Variants in GOLGB1 observed in about 807,000 individuals in gnomAD.
GOLGB1 encodes the protein golgin B1.
In GOLGB1, 174 loss-of-function variants were observed where a neutral mutation model predicts 336.9. That is an observed-to-expected ratio of 0.52 (90% CI 0.46 to 0.59). The LOEUF (loss-of-function observed/expected upper bound fraction) is 0.59, where lower values mean the gene tolerates loss of function less well. Ranked by LOEUF, GOLGB1 falls within the 20% of genes least tolerant of loss-of-function variation. The pLI is 0.00. For synonymous variants in GOLGB1, 1,208 were observed against 1,289.2 expected, an observed-to-expected ratio of 0.94 and a Z score of 1.35; for missense variants, 3,331 against 3,645.3, an observed-to-expected ratio of 0.91 and a Z score of 2.22.
intron 17 of GOLGB1, among the ~76,000 whole-genome samples, chr3:121,672,541 G>A (rs1052140446): frequency 1.3e-5 from 2 of 152,212 alleles, no homozygotes; most frequent in Admixed American, 6.5e-5. Context: ...TCCCTTGTTA[G>A]ATGGGTAGTT....
Position 121,697,481 on chromosome 3 carries a change from G to A in GOLGB1, c.3042C>T (p.Val1014=). 2 of 1,611,546 alleles carry A rather than the reference G, an allele frequency of 1.2e-6. No individual in the cohort carries two copies. The highest frequency in any genetic ancestry group is 1.7e-6 in the Non-Finnish European group (2 of 1,179,510). ...TGGCTAATTCTTCTTCCAATCTACT[G>A]ACTCTTTGCAGAAGCTCCTTTCTGT... ...LINRKELLQR[V]SRLEEELANL... The change falls in exon 13 of 22, where the codon GTC becomes GTT. Residue 1014 remains valine (V), a synonymous_variant. Transcript: ENST00000614479.
At position 121,694,647 on chromosome 3, in the gene GOLGB1, A is replaced by G; in HGVS notation, c.5876T>C (p.Leu1959Ser). 1 of 1,611,416 alleles carries G rather than the reference A, an allele frequency of 6.2e-7. No individual in the cohort carries two copies. Among genetic ancestry groups the G allele is most frequent in the Non-Finnish European group, 8.5e-7 (1 of 1,179,746 alleles). ...TTTAAGGTTCTTCATTTCAGATTCCAATAGCTCATTTTTTATTTGGGCATC... is the reference window on the plus strand; with the variant it reads ...TTTAAGGTTCTTCATTTCAGATTCCGATAGCTCATTTTTTATTTGGGCATC... ...VTDAQIKNEL[L>S]ESEMKNLKKC... The change falls in exon 13 of 22, where the codon TTG (leucine) becomes TCG (serine). Residue 1959 changes from leucine to serine, a missense_variant. Coordinates refer to ENST00000614479, the MANE Select transcript of GOLGB1 (RefSeq NM_001366282.2).
chr3:121,745,346 A>G (rs901657153), intron 1 of GOLGB1, among the ~76,000 whole-genome samples: 3 of 141,548 alleles, frequency 2.1e-5, no homozygotes, highest in Non-Finnish European at 4.6e-5. Flanking sequence ...ACATATGTAC[A>G]CGTGTATGTA....
intron 17 of GOLGB1, among the ~76,000 whole-genome samples, chr3:121,670,754 T>G (rs1043433179): frequency 4.9e-5 from 5 of 102,816 alleles, no homozygotes; most frequent in Admixed American, 1.8e-4. Flanking sequence ...GGGTTTTCTT[T>G]TGGGGGGGGG....
chr3:121,700,528 GA>G (rs1943309969), intron 11 of GOLGB1, among the ~76,000 whole-genome samples: 1 of 151,744 alleles, frequency 6.6e-6, no homozygotes, highest in African/African-American at 2.4e-5. Flanking sequence ...TACACCAAAG[GA>G]AAAAAATATA....
At chr3:121,699,006 T>G in intron 12 of GOLGB1, 77 bp from the exon 13 acceptor site, 1 of 1,090,742 alleles carries the variant, frequency 9.2e-7, no homozygotes, top group African/African-American at 1.6e-5. Context: ...TAAAAACTTG[T>G]ATTTCATCTT....
intron 10 of GOLGB1, among the ~76,000 whole-genome samples, chr3:121,709,644 T>C (rs1401247886): frequency 6.6e-6 from 1 of 152,084 alleles, no homozygotes; most frequent in Non-Finnish European, 1.5e-5. Context: ...CTGAAATGAT[T>C]AAAAAACCAC....
intron 15 of GOLGB1, among the ~76,000 whole-genome samples, chr3:121,678,186 G>T (rs978489727): frequency 6.6e-6 from 1 of 152,124 alleles, no homozygotes; most frequent in Admixed American, 6.5e-5. Flanking sequence ...TCCATGCAAT[G>T]AGCTTGATAA....
intron 14 of GOLGB1, among the ~76,000 whole-genome samples, chr3:121,684,127 C>CAAAAAAAAAAA (rs61510295): frequency 5.5e-4 from 6 of 10,910 alleles, no homozygotes; most frequent in Non-Finnish European, 9.1e-4. Flanking sequence ...GACGCCGTCT[C>CAAAAAAAAAAA]AAAAAAAAAA....
At chr3:121,716,402 A>C (rs1944778115) in intron 9 of GOLGB1, among the ~76,000 whole-genome samples, 1 of 152,162 alleles carries the variant, frequency 6.6e-6, no homozygotes, top group African/African-American at 2.4e-5. Context: ...ATGCACCTAG[A>C]TCTGGCCTGA....
Position 121,695,879 on chromosome 3 carries a change from A to G in GOLGB1, c.4644T>C (p.Leu1548=). The G allele has an allele frequency of 6.2e-7, 1 of 1,614,028 alleles. No homozygotes were observed. Among genetic ancestry groups the G allele is most frequent in the Non-Finnish European group, 8.5e-7 (1 of 1,179,898 alleles). The part of the protein sequence containing the change: ...EKDTVLGRLA[L]LQEERDKLIT... ...TGAGTTTGTCTCTTTCTTCTTGAAG[A>G]AGAGCTAACCTTCCTAAGACCGTAT... Residue 1548 remains leucine, a synonymous_variant, in exon 13 of 22, where the codon CTT becomes CTC. Transcript: ENST00000614479.
chr3:121,681,758 T>C lies in GOLGB1; in HGVS notation c.8802A>G (p.Lys2934=). 2 of 1,612,398 alleles carry C rather than the reference T, an allele frequency of 1.2e-6. No homozygotes were observed. The highest frequency in any genetic ancestry group is 1.1e-5 in the South Asian group (1 of 91,018). ...AQLQEYQDKT[K]AFQIMQEELR... ...GCTCTTCTTGCATAATCTGAAATGC[T>C]TTTGTCTTATCTTGATACTCCTGAA... The change falls in exon 15 of 22, where the codon AAA becomes AAG. Residue 2934 remains lysine (K), a synonymous_variant. Coordinates refer to ENST00000614479, the MANE Select transcript of GOLGB1 (RefSeq NM_001366282.2).
In GOLGB1 at chr3:121,694,059, C is replaced by T. The variant is rs1353418312; in HGVS notation, c.6464G>A (p.Arg2155Lys). The T allele has an allele frequency of 6.2e-6, 10 of 1,613,930 alleles. No individual in the cohort carries two copies. Among genetic ancestry groups the T allele is most frequent in the African/African-American group, 2.7e-5 (2 of 74,940 alleles). Residue 2155 changes from arginine to lysine, a missense_variant, in exon 13 of 22, where the codon AGA becomes AAA. Arg to Lys is a conservative substitution (Grantham distance 26). Transcript: ENST00000614479. The part of the protein sequence containing the change: ...NMQEKLDALR[R>K]EKVHLEETIG... ...TGTCTCTTCCAAGTGGACTTTTTCT[C>T]TGCGCAAAGCATCCAGTTTCTCTTG...
At chr3:121,681,310 T>C (rs1289082857) in intron 15 of GOLGB1, among the ~76,000 whole-genome samples, 2 of 152,100 alleles carry the variant, frequency 1.3e-5, no homozygotes, top group Non-Finnish European at 2.9e-5. Flanking sequence ...GGGTTAAGGA[T>C]GTGAGGAAGG....
At chr3:121,683,680 A>G (rs776098721) in intron 14 of GOLGB1, among the ~76,000 whole-genome samples, 13 of 152,222 alleles carry the variant, frequency 8.5e-5, no homozygotes, top group Non-Finnish European at 1.8e-4. Context: ...GTAATTTAGA[A>G]GAGATTATCA....
chr3:121,671,274 C>A (rs1939494221), intron 17 of GOLGB1, among the ~76,000 whole-genome samples: 1 of 152,180 alleles, frequency 6.6e-6, no homozygotes, highest in Admixed American at 6.5e-5. Context: ...TGTCACTAAT[C>A]ATCCATCTCA....
At position 121,688,832 on chromosome 3, in the gene GOLGB1, G is replaced by GCCGCGAC. The variant is rs1157473237; in HGVS notation, c.8694+1831_8694+1837dup. 6.6e-5 allele frequency among the ~76,000 whole-genome samples: 10 copies of GCCGCGAC among 152,068 alleles called. No individual in the cohort carries two copies. In the South Asian group the frequency reaches 1.7e-3, roughly 25 times the overall value. Reference sequence around the variant, plus strand: ...GGGATGTGAGGAGCGCCTCTGCCCGGCCGCGACCCCGTCTGGGAGGTGAGG... The same window carrying GCCGCGAC: ...GGGATGTGAGGAGCGCCTCTGCCCGGCCGCGACCCGCGACCCCGTCTGGGAGGTGAGG... On this transcript the variant is annotated intron_variant, in intron 14 of 21. Transcript: ENST00000614479.
At chr3:121,671,066 A>G (rs572516187) in intron 17 of GOLGB1, among the ~76,000 whole-genome samples, 4 of 152,284 alleles carry the variant, frequency 2.6e-5, no homozygotes, top group Non-Finnish European at 4.4e-5. Context: ...TTGATTCTAT[A>G]TTGTCTATGG....
At chr3:121,665,080 G>T in intron 20 of GOLGB1, 49 bp from the exon 21 acceptor site, 1 of 1,002,574 alleles carries the variant, frequency 1.0e-6, no homozygotes, top group Non-Finnish European at 1.6e-6. Context: ...AGCATGAGAG[G>T]CTGATCAGGC....
Sources: allele counts gnomAD v4.1 joint callset (sites outside exome capture counted in the v4.1 genomes callset), GRCh38; gene constraint gnomAD v4.1.1; transcripts MANE v1.5; gene names NCBI Gene and HGNC (gene_info 2026-07-23, HGNC 2026-07-21).